ACO1: variants seen among roughly 807,000 people sequenced by gnomAD.
The protein encoded by ACO1 is aconitase 1.
Under a neutral mutation model 105.1 loss-of-function variants are expected in ACO1, and 78 were observed. The observed-to-expected ratio is 0.74, with a 90% CI of 0.62 to 0.90. ACO1 has a LOEUF of 0.90. Among genes scored for constraint, ACO1 ranks in the 40% least tolerant of loss-of-function variants. The pLI, the probability that ACO1 is intolerant of heterozygous loss-of-function variation, is 0.00. For missense variants in ACO1, 965 were observed against 1,111.1 expected, an observed-to-expected ratio of 0.87 and a Z score of 1.87; for synonymous variants, 364 against 397.4, an observed-to-expected ratio of 0.92 and a Z score of 1.00.
At chr9:32,423,131 A>G (rs1822011820) in intron 8 of ACO1, among the ~76,000 whole-genome samples, 188 bp from the exon 9 acceptor site, 1 of 152,176 alleles carries the variant, frequency 6.6e-6, no homozygotes, top group South Asian at 2.1e-4. Context: ...GCCCCTAATA[A>G]AAAGCAGCAT....
intron 16 of ACO1, among the ~76,000 whole-genome samples, chr9:32,434,197 T>C (rs556518486): frequency 1.3e-5 from 2 of 152,232 alleles, no homozygotes; most frequent in East Asian, 3.9e-4. Flanking sequence ...AAGTTGGTGC[T>C]CTCCTGGGTG....
At chr9:32,405,394 A>G (rs953128926) in intron 1 of ACO1, 91 bp from the exon 2 acceptor site, 4 of 701,876 alleles carry the variant, frequency 5.7e-6, no homozygotes, top group Non-Finnish European at 9.9e-6. Context: ...ACTAAAAGAA[A>G]CATAGTAAAA....
At chr9:32,426,854 C>T (rs1192551294) in intron 11 of ACO1, among the ~76,000 whole-genome samples, 1 of 152,150 alleles carries the variant, frequency 6.6e-6, no homozygotes, top group Non-Finnish European at 1.5e-5. Context: ...TCTGAACACT[C>T]GATTTTTACT....
intron 4 of ACO1, 101 bp from the exon 5 acceptor site, chr9:32,418,027 G>A (rs1821888023): frequency 9.3e-6 from 9 of 971,822 alleles, no homozygotes; most frequent in Non-Finnish European, 1.4e-5. Context: ...CACTCAGCAA[G>A]CAAGGAGATG....
In ACO1 at chr9:32,449,983, T is replaced by C; in HGVS notation, c.2557-15T>C. 1 of 1,609,042 alleles carries C rather than the reference T, an allele frequency of 6.2e-7. No individual in the cohort carries two copies. Among genetic ancestry groups the C allele is most frequent in the Non-Finnish European group, 8.5e-7 (1 of 1,175,550 alleles). On this transcript the variant is annotated splice_polypyrimidine_tract_variant and intron_variant, in intron 20 of 20. Coordinates refer to ENST00000309951, the MANE Select transcript of ACO1 (RefSeq NM_002197.3). Reference sequence around the variant, plus strand: ...CCACCTCCCTCAATGATGCTTCTGTTTCTTTGTGCCACAGCTGGATACTGG... The same window carrying C: ...CCACCTCCCTCAATGATGCTTCTGTCTCTTTGTGCCACAGCTGGATACTGG...
intron 1 of ACO1, among the ~76,000 whole-genome samples, chr9:32,394,780 C>G (rs931600418): frequency 6.6e-6 from 1 of 152,178 alleles, no homozygotes; most frequent in Non-Finnish European, 1.5e-5. Flanking sequence ...AGTTGCCTTT[C>G]TTAGGTAAAA....
chr9:32,429,541 G>GTTTCT, intron 13 of ACO1, 38 bp downstream of exon 13: 1 of 1,562,410 alleles, frequency 6.4e-7, no homozygotes. Context: ...CAGAGCAGTT[G>GTTTCT]TTTCTTTTCA....
Position 32,452,674 on chromosome 9 carries a change from A to T in ACO1, c.*2563A>T, listed in dbSNP as rs1372500267. 6.6e-6 allele frequency: 1 copy of T among 152,070 alleles called. No individual in the cohort carries two copies. The highest frequency in any genetic ancestry group is 1.5e-5 in the Non-Finnish European group (1 of 68,038). The allele number at this position is 152,070 out of a possible 1,614,324, so 9.4% of individuals were successfully genotyped here. On this transcript the variant is annotated 3_prime_UTR_variant, in exon 21 of 21. Coordinates refer to ENST00000309951, the MANE Select transcript of ACO1 (RefSeq NM_002197.3). ...TACACCCTCTGTCCTTTTCGGTAAA[A>T]ATATCTTCGCCAGGCACGGTGTCTC...
chr9:32,434,555 C>A lies in ACO1; in HGVS notation c.1957-4C>A. 1 of 1,613,948 alleles carries A rather than the reference C, an allele frequency of 6.2e-7. No individual in the cohort carries two copies. The highest frequency in any genetic ancestry group is 8.5e-7 in the Non-Finnish European group (1 of 1,179,910). ...CAATGCTGACTTTTTGTATTCTTTG[C>A]TAGACTTTGGATCTTCAGCCCCCTA... On this transcript the variant is annotated splice_region_variant and splice_polypyrimidine_tract_variant and intron_variant, in intron 16 of 20. Transcript: ENST00000309951.
chr9:32,434,804 T>C, intron 17 of ACO1, 103 bp downstream of exon 17: 1 of 1,410,240 alleles, frequency 7.1e-7, no homozygotes, highest in African/African-American at 1.4e-5. Flanking sequence ...ATGAGACTCT[T>C]TGGTTGTGCA....
chr9:32,420,844 T>C lies in ACO1; in HGVS notation c.799-12T>C, dbSNP rs781263622. ...TCAGATCTCAAACTTTTCTGTTGTT[T>C]CTGCTGCTTAGCACCTCCGCCAGGT... On this transcript the variant is annotated splice_polypyrimidine_tract_variant and intron_variant, in intron 7 of 20. Transcript: ENST00000309951. The C allele has an allele frequency of 6.2e-7, 1 of 1,608,278 alleles. No homozygotes were observed. Among genetic ancestry groups the C allele is most frequent in the Non-Finnish European group, 8.5e-7 (1 of 1,175,840 alleles).
chr9:32,449,105 A>G lies in ACO1; in HGVS notation c.2556+24A>G. On this transcript the variant is annotated intron_variant, in intron 20 of 20. Coordinates refer to ENST00000309951, the MANE Select transcript of ACO1 (RefSeq NM_002197.3). ...AGGTAAGCTGGAGCCTCTCTATGCC[A>G]GGCCCTGTCGAAAGGGGCCCCCTCG... is the stretch of plus-strand genomic sequence containing the variant. 1.9e-6 allele frequency: 3 copies of G among 1,566,152 alleles called. No individual in the cohort carries two copies. In the Admixed American group the frequency reaches 5.7e-5, roughly 30 times the overall value.
intron 18 of ACO1, among the ~76,000 whole-genome samples, chr9:32,436,773 G>C (rs529666226): frequency 6.6e-6 from 1 of 152,172 alleles, no homozygotes; most frequent in Non-Finnish European, 1.5e-5. Flanking sequence ...TGAAAAGAAG[G>C]AGTAGAGAGG....
intron 8 of ACO1, among the ~76,000 whole-genome samples, chr9:32,421,654 G>A (rs542000355): frequency 6.6e-6 from 1 of 152,290 alleles, no homozygotes; most frequent in East Asian, 1.9e-4. Flanking sequence ...TTCGAGACCA[G>A]CCTGGCCAAC....
chr9:32,386,109 T>G (rs1326586755), intron 1 of ACO1, among the ~76,000 whole-genome samples: 1 of 152,236 alleles, frequency 6.6e-6, no homozygotes, highest in Non-Finnish European at 1.5e-5. Context: ...CTGACCTGTC[T>G]GTGCATCAGG....
chr9:32,447,187 T>A (rs959244189), intron 19 of ACO1, among the ~76,000 whole-genome samples: 2 of 152,254 alleles, frequency 1.3e-5, no homozygotes, highest in African/African-American at 4.8e-5. Flanking sequence ...ATTCTCCCTG[T>A]CACTTTCAAG....
intron 1 of ACO1, among the ~76,000 whole-genome samples, chr9:32,387,885 C>T (rs1821186406): frequency 1.3e-5 from 2 of 152,148 alleles, no homozygotes. Flanking sequence ...AACCATGTTT[C>T]AAAGAGAGAG....
chr9:32,432,460 G>T (rs1162612993), intron 15 of ACO1, among the ~76,000 whole-genome samples: 1 of 152,130 alleles, frequency 6.6e-6, no homozygotes, highest in Non-Finnish European at 1.5e-5. Context: ...AGGGGAAGGG[G>T]TGATGTAGGT....
Position 32,425,785 on chromosome 9 carries a change from GTA to G in ACO1, c.1189-49_1189-48del, listed in dbSNP as rs1210209643. 6.9e-6 allele frequency: 9 copies of G among 1,297,408 alleles called. No individual in the cohort carries two copies. The African/African-American group carries it at 1.2e-4, about 17-fold the overall frequency. 80.4% of individuals were successfully genotyped at this position (1,297,408 alleles called of 1,614,324 possible). A position where few individuals can be genotyped will look rare whatever the true frequency, so the allele number is the denominator to read the frequency against. On this transcript the variant is annotated intron_variant, in intron 10 of 20. Coordinates refer to ENST00000309951, the MANE Select transcript of ACO1 (RefSeq NM_002197.3). ...TGTATTTTCCTCTAGCCAGATACAT[GTA>G]TATCTTATATAAATATATTCCTATA...
Sources: allele counts gnomAD v4.1 joint callset (sites outside exome capture counted in the v4.1 genomes callset), GRCh38; gene constraint gnomAD v4.1.1; transcripts MANE v1.5; gene names NCBI Gene and HGNC (gene_info 2026-07-23, HGNC 2026-07-21).